SLC41A3: variants seen among roughly 807,000 people sequenced by gnomAD.
SLC41A3 encodes the protein solute carrier family 41 member 3, also known as SLC41A1-like 2.
Under a neutral mutation model 45.4 loss-of-function variants are expected in SLC41A3, and 44 were observed. The ratio of observed to expected loss-of-function variants is 0.97; its 90% CI spans 0.76 to 1.25. The LOEUF (loss-of-function observed/expected upper bound fraction) is 1.25. Among genes scored for constraint, SLC41A3 ranks in the 50% most tolerant of loss-of-function variants. The pLI is 0.00. For missense variants in SLC41A3, 550 were observed against 600.6 expected (o/e 0.92, Z 0.88); for synonymous variants, 256 against 252.4 (o/e 1.01, Z -0.13).
At chr3:126,011,219 A>T (rs1377102487) in intron 9 of SLC41A3, among the ~76,000 whole-genome samples, 1 of 152,196 alleles carries the variant, frequency 6.6e-6, no homozygotes, top group Non-Finnish European at 1.5e-5. Context: ...AAGAAATAGA[A>T]AGTCTCAGAA....
Position 126,033,690 on chromosome 3 carries a change from A to G in SLC41A3, c.382-12T>C, listed in dbSNP as rs1576268864. 1 of 1,611,552 alleles carries G rather than the reference A, an allele frequency of 6.2e-7. No individual in the cohort carries two copies. The highest frequency in any genetic ancestry group is 2.2e-5 in the East Asian group (1 of 44,846). On this transcript the variant is annotated splice_polypyrimidine_tract_variant and intron_variant, in intron 3 of 10. Coordinates refer to ENST00000360370, the MANE Select transcript of SLC41A3 (RefSeq NM_017836.4). The stretch of plus-strand genomic sequence containing the variant: ...TGTCCAGTGTTGGCCTAGAATGAAG[A>G]GAAAAGGACAAAGGTAGGACTGGCT...
chr3:126,052,316 G>A (rs1441082679), intron 2 of SLC41A3, among the ~76,000 whole-genome samples: 1 of 152,032 alleles, frequency 6.6e-6, no homozygotes, highest in African/African-American at 2.4e-5. Flanking sequence ...GGGAACCAAG[G>A]CCATCATCAA....
At chr3:126,062,532 C>T (rs1384146027) in intron 2 of SLC41A3, among the ~76,000 whole-genome samples, 3 of 152,184 alleles carry the variant, frequency 2.0e-5, no homozygotes, top group Non-Finnish European at 2.9e-5. Flanking sequence ...CGCAGAGGCT[C>T]TTTTGACACA....
At chr3:126,096,102 T>C (rs1272238395) in intron 1 of SLC41A3, among the ~76,000 whole-genome samples, 5 of 152,182 alleles carry the variant, frequency 3.3e-5, no homozygotes, top group Non-Finnish European at 5.9e-5. Flanking sequence ...AAAAAACAAA[T>C]ATTTAAAGCA....
chr3:126,047,318 G>A (rs7634866), intron 3 of SLC41A3, among the ~76,000 whole-genome samples: 151,160 of 152,318 alleles, frequency 0.99, 75,017 homozygotes, highest in Middle Eastern at 1. Flanking sequence ...AGCCAGGTTC[G>A]TGCCACTGCA....
intron 3 of SLC41A3, among the ~76,000 whole-genome samples, chr3:126,038,992 C>T (rs1179772119): frequency 2.0e-5 from 3 of 151,974 alleles, no homozygotes; most frequent in African/African-American, 4.8e-5. Context: ...GAGTTTAGCA[C>T]CTCCTCCCTC....
At position 126,051,017 on chromosome 3, in the gene SLC41A3, A is replaced by G. The variant is rs777710769; in HGVS notation, c.307T>C (p.Leu103=). 6.2e-6 allele frequency: 10 copies of G among 1,611,998 alleles called. No individual in the cohort carries two copies. The East Asian group carries it at 2.0e-4, about 32-fold the overall frequency. ...CCCACCAGGGGCGGCACCAATGTCA[A>G]AAGGTCTTTCACCTCCACAAACACA... ...WPVFVEVKDL[L]TLVPPLVGLK... is the part of the protein sequence containing the mutation. Residue 103 remains leucine, a synonymous_variant, in exon 3 of 11, where the codon TTG becomes CTG. Coordinates refer to ENST00000360370, the MANE Select transcript of SLC41A3 (RefSeq NM_017836.4).
Position 126,042,240 on chromosome 3 carries a change from T to G in SLC41A3, c.382-8562A>C, listed in dbSNP as rs9865142. Among the ~76,000 whole-genome samples the G allele has an allele frequency of 1.9e-4, 29 of 152,022 alleles. No homozygotes were observed. In the East Asian group the frequency reaches 5.6e-3, roughly 29 times the overall value. ...AGAGATTATGGACAGAGGAACACAA[T>G]AGAATGTCAAGGCCCTGAGAAGAAG... is the stretch of plus-strand genomic sequence containing the variant. On this transcript the variant is annotated intron_variant, in intron 3 of 10. Coordinates refer to ENST00000360370, the MANE Select transcript of SLC41A3 (RefSeq NM_017836.4).
intron 6 of SLC41A3, among the ~76,000 whole-genome samples, chr3:126,020,102 A>G (rs1221544608): frequency 6.6e-6 from 1 of 152,136 alleles, no homozygotes; most frequent in Non-Finnish European, 1.5e-5. Context: ...TTAGCACCAC[A>G]TGGACCTAGG....
intron 2 of SLC41A3, among the ~76,000 whole-genome samples, chr3:126,066,095 T>C (rs1201196408): frequency 6.6e-6 from 1 of 152,206 alleles, no homozygotes; most frequent in Non-Finnish European, 1.5e-5. Context: ...CCATGCTGCT[T>C]CTATGACTAG....
intron 5 of SLC41A3, chr3:126,025,190 C>T (rs1365544104): frequency 6.6e-6 from 1 of 152,302 alleles, no homozygotes; most frequent in Non-Finnish European, 1.5e-5. Context: ...CCAGCAACAA[C>T]TGAATCACCA....
intron 1 of SLC41A3, chr3:126,095,410 C>A: frequency 2.0e-6 from 1 of 492,606 alleles, no homozygotes; most frequent in South Asian, 3.3e-5. Flanking sequence ...AGAAGAAAAC[C>A]TAAGGAAAGC....
chr3:126,097,249 T>C (rs1465508462), intron 1 of SLC41A3, among the ~76,000 whole-genome samples: 1 of 152,192 alleles, frequency 6.6e-6, no homozygotes, highest in Non-Finnish European at 1.5e-5. Context: ...TCTTCCTTTT[T>C]CCAGTGGAGT....
At position 126,012,701 on chromosome 3, in the gene SLC41A3, T is replaced by C; in HGVS notation, c.1019A>G (p.Tyr340Cys). 1 of 1,614,146 alleles carries C rather than the reference T, an allele frequency of 6.2e-7. No individual in the cohort carries two copies. The highest frequency in any genetic ancestry group is 8.5e-7 in the Non-Finnish European group (1 of 1,180,034). The change falls in exon 9 of 11, where the codon TAC becomes TGC. Residue 340 changes from tyrosine to cysteine, a missense_variant. Transcript: ENST00000360370. Reference sequence around the variant, plus strand: ...GCCAGGTGCACTCCACATGTGCAGGTAGGTTGAGATTCGGCTGGTCTGAAT... The same window carrying C: ...GCCAGGTGCACTCCACATGTGCAGGCAGGTTGAGATTCGGCTGGTCTGAAT... ...VAIQTSRISTYLHMWSAPGVL... is the reference protein window; with the variant it reads ...VAIQTSRISTCLHMWSAPGVL...
rs141417183 is a variant in SLC41A3, at chr3:126,037,644, ACAGATGTGGGGG to A, written c.382-3978_382-3967del. On this transcript the variant is annotated intron_variant, in intron 3 of 10. Coordinates refer to ENST00000360370, the MANE Select transcript of SLC41A3 (RefSeq NM_017836.4). ...TGTGGCTGCTTCTAACAACCTAAAAACAGATGTGGGGGCAAATGAATGACTAAAAGTTGAAAC... is the reference window on the plus strand; with the variant it reads ...TGTGGCTGCTTCTAACAACCTAAAAACAAATGAATGACTAAAAGTTGAAAC... Among the ~76,000 whole-genome samples the A allele has an allele frequency of 7.2e-3, 1,094 of 152,282 alleles. 24 individuals carry two copies. The highest frequency in any genetic ancestry group is 6.0e-3 in the Non-Finnish European group (406 of 68,026).
At chr3:126,079,784 T>C (rs571907806) in intron 1 of SLC41A3, among the ~76,000 whole-genome samples, 2 of 152,302 alleles carry the variant, frequency 1.3e-5, no homozygotes, top group South Asian at 4.2e-4. Context: ...AAAGCAATCC[T>C]GAGCAAAAAG....
chr3:126,068,101 AG>A lies in SLC41A3; in HGVS notation c.118del (p.Leu40SerfsTer9). Reference sequence around the variant, plus strand: ...CACGCTTTGGCTCTCAGGGGCCCTGAGAGCTCCATCTTCTGAGGCTACAGGG... The same window carrying A: ...CACGCTTTGGCTCTCAGGGGCCCTGAAGCTCCATCTTCTGAGGCTACAGGG... ...GLPVASEDGALRAPESQSVTP... is the reference protein window; with the variant it reads ...GLPVASEDGAXRAPESQSVTP... On this transcript the variant is annotated frameshift_variant, in exon 2 of 11. Transcript: ENST00000360370. LOFTEE classifies it high-confidence loss of function. The A allele has an allele frequency of 6.2e-7, 1 of 1,613,690 alleles. No homozygotes were observed. The highest frequency in any genetic ancestry group is 2.2e-5 in the East Asian group (1 of 44,834).
At chr3:126,059,307 A>AAGGAAGG (rs1943920791) in intron 2 of SLC41A3, among the ~76,000 whole-genome samples, 37 of 59,424 alleles carry the variant, frequency 6.2e-4, no homozygotes, top group African/African-American at 8.7e-4. Flanking sequence ...AGAAAGAAAG[A>AAGGAAGG]AAGGAAGGAT....
intron 2 of SLC41A3, among the ~76,000 whole-genome samples, chr3:126,067,093 G>GCGCGCGCACCCCCCCCCCCCCCCC (rs1559877784): frequency 1.3e-5 from 1 of 74,508 alleles, no homozygotes; most frequent in Admixed American, 1.3e-4. Flanking sequence ...GGGTTGGACC[G>GCGCGCGCACCCCCCCCCCCCCCCC]CCCCCCCGCC....
Sources: allele counts gnomAD v4.1 joint callset (sites outside exome capture counted in the v4.1 genomes callset), GRCh38; gene constraint gnomAD v4.1.1; transcripts MANE v1.5; gene names NCBI Gene and HGNC (gene_info 2026-07-23, HGNC 2026-07-21).